The following RRM2 variants were observed in gnomAD, a reference collection of about 807,000 sequenced individuals.
RRM2 encodes the protein ribonucleoside-diphosphate reductase subunit M2.
Under a neutral mutation model 45.9 loss-of-function variants are expected in RRM2, and 6 were observed. The observed-to-expected ratio is 0.13, with a 90% CI of 0.07 to 0.26. The LOEUF (loss-of-function observed/expected upper bound fraction) is 0.26, where lower values mean the gene tolerates loss of function less well. Among genes scored for constraint, RRM2 ranks in the 10% least tolerant of loss-of-function variants. The pLI is 1.00. For synonymous variants in RRM2, 177 were observed against 173.0 expected (o/e 1.02, Z -0.18); for missense variants, 343 against 489.5 (o/e 0.70, Z 2.82).
chr2:10,150,888 A>G (rs1663297663), intron 3 of RRM2, among the ~76,000 whole-genome samples: 1 of 148,412 alleles, frequency 6.7e-6, no homozygotes, highest in Admixed American at 6.9e-5. Context: ...ATCTCGGCTC[A>G]CTGCAACCTC....
At chr2:10,168,233 G>A (rs1663722912) in intron 3 of RRM2, among the ~76,000 whole-genome samples, 1 of 151,864 alleles carries the variant, frequency 6.6e-6, no homozygotes, top group Non-Finnish European at 1.5e-5. Context: ...GCATCACAGT[G>A]GGTCCTATAC....
chr2:10,195,056 G>A lies in RRM2; in HGVS notation n.483-15255G>A, dbSNP rs1664385525. On this transcript the variant is annotated intron_variant and non_coding_transcript_variant, in intron 3 of 3. Transcript: ENST00000381786. This position sits in a 1 kb window ranked among gnomAD's most constrained non-coding sequence, Gnocchi z 4.9. ...ACCCTCACGAGGCCATGTGGTCGTG[G>A]CTACGGGTTTAATCTAAAATTCATT... 6.6e-6 allele frequency among the ~76,000 whole-genome samples: 1 copy of A among 151,678 alleles called. No individual in the cohort carries two copies. The highest frequency in any genetic ancestry group is 2.4e-5 in the African/African-American group (1 of 41,052).
chr2:10,210,560 G>A (rs780544546), exon 4 of RRM2: 1 of 1,366,540 alleles, frequency 7.3e-7, no homozygotes, highest in Non-Finnish European at 9.8e-7. Flanking sequence ...TGCGGAGCAG[G>A]TGGACCCACC....
intron 3 of RRM2, among the ~76,000 whole-genome samples, chr2:10,182,196 G>A (rs1002750082): frequency 1.5e-4 from 23 of 152,080 alleles, no homozygotes; most frequent in African/African-American, 4.8e-4. Flanking sequence ...AGACTGGCTG[G>A]GTGTGGTGGT....
At chr2:10,149,688 C>G (rs993296671) in intron 3 of RRM2, among the ~76,000 whole-genome samples, 2 of 152,138 alleles carry the variant, frequency 1.3e-5, no homozygotes, top group African/African-American at 2.4e-5. Flanking sequence ...GGAGAAGAAG[C>G]GAGGACTACA....
At chr2:10,157,593 A>G (rs556921267) in intron 3 of RRM2, among the ~76,000 whole-genome samples, 1 of 152,096 alleles carries the variant, frequency 6.6e-6, no homozygotes, top group African/African-American at 2.4e-5. Context: ...CAAGGATGGT[A>G]CACTTTTTGG....
At chr2:10,126,162 TAAAAA>T (rs532815964) in intron 5 of RRM2, among the ~76,000 whole-genome samples, 12,722 of 89,034 alleles carry the variant, frequency 0.14, 1,542 homozygotes, top group Non-Finnish European at 0.18. Context: ...CTCATCTCTT[TAAAAA>T]AAAAAAAAAA....
At chr2:10,141,608 T>C in exon 1 of RRM2, 2 of 531,794 alleles carry the variant, frequency 3.8e-6, no homozygotes, top group Non-Finnish European at 6.7e-6. Flanking sequence ...CAAGAATGCA[T>C]GTGCTTAAGG....
chr2:10,186,016 T>C (rs1433150644), intron 3 of RRM2, among the ~76,000 whole-genome samples: 1 of 152,254 alleles, frequency 6.6e-6, no homozygotes, highest in Non-Finnish European at 1.5e-5. Context: ...AGAGCTAGCC[T>C]AAATTCGGCA....
chr2:10,148,545 A>G (rs1354646863), intron 3 of RRM2, among the ~76,000 whole-genome samples: 1 of 152,230 alleles, frequency 6.6e-6, no homozygotes. Context: ...CTAGAGTTAA[A>G]TGCCACTGTG....
At chr2:10,183,810 C>A (rs1054644107) in intron 3 of RRM2, among the ~76,000 whole-genome samples, 2 of 144,558 alleles carry the variant, frequency 1.4e-5, no homozygotes, top group Admixed American at 1.4e-4. Context: ...AAAAAAAAGG[C>A]CAGGTGCGGT....
At chr2:10,167,736 G>T (rs926276307) in intron 3 of RRM2, among the ~76,000 whole-genome samples, 9 of 152,170 alleles carry the variant, frequency 5.9e-5, no homozygotes, top group Non-Finnish European at 1.3e-4. Flanking sequence ...TTCCCACCCA[G>T]AACTCTTCAT....
chr2:10,192,750 AC>A (rs56228505), intron 3 of RRM2: 83,446 of 151,700 alleles, frequency 0.55, 22,818 homozygotes, highest in East Asian at 0.58. Flanking sequence ...CTGCCACTCC[AC>A]CCCCCCCTGC....
chr2:10,199,803 A>C lies in RRM2; in HGVS notation n.483-10508A>C, dbSNP rs1386414369. On this transcript the variant is annotated intron_variant and non_coding_transcript_variant, in intron 3 of 3. Transcript: ENST00000381786. ...TCAAAAAAAAAAAAAAAAAAAAAAAAAAAAAACAAATCATGGTATGACTAG... is the reference window on the plus strand; with the variant it reads ...TCAAAAAAAAAAAAAAAAAAAAAAACAAAAAACAAATCATGGTATGACTAG... Among the ~76,000 whole-genome samples the C allele has an allele frequency of 1.1e-4, 16 of 150,414 alleles. 1 individual carries two copies. The highest frequency in any genetic ancestry group is 1.9e-4 in the Non-Finnish European group (13 of 67,692).
chr2:10,147,055 C>T (rs369690280), intron 3 of RRM2, among the ~76,000 whole-genome samples: 20 of 151,894 alleles, frequency 1.3e-4, no homozygotes, highest in Middle Eastern at 6.8e-3. Flanking sequence ...CGGGTTCAAG[C>T]GATTCTCCTG....
Position 10,144,112 on chromosome 2 carries a change from G to T in RRM2, n.482+1737G>T, listed in dbSNP as rs1663142070. 2.0e-5 allele frequency among the ~76,000 whole-genome samples: 3 copies of T among 152,226 alleles called. 1 individual carries two copies. The highest frequency in any genetic ancestry group is 7.2e-5 in the African/African-American group (3 of 41,462). On this transcript the variant is annotated intron_variant and non_coding_transcript_variant, in intron 3 of 3. Coordinates refer to the RRM2 transcript ENST00000381786. ...TGGGGACTCTCCTGTAACCCAAGGG[G>T]GTAGCGGAAGGATGGAGCTTCAGGC...
In RRM2 at chr2:10,190,389, G is replaced by C. The variant is rs531451938; in HGVS notation, n.483-19922G>C. On this transcript the variant is annotated intron_variant and non_coding_transcript_variant, in intron 3 of 3. Coordinates refer to the RRM2 transcript ENST00000381786. ...ATGAGTGTGATGATGTGGTGATGGT[G>C]ATGGTGGTGGTGATGGTGGTGATGG... is the stretch of plus-strand genomic sequence containing the variant. Among the ~76,000 whole-genome samples the C allele has an allele frequency of 2.0e-5, 3 of 149,414 alleles. No individual in the cohort carries two copies. The South Asian group carries it at 6.6e-4, about 33-fold the overall frequency.
chr2:10,122,903 C>G lies in RRM2; in HGVS notation c.99+6C>G. 1 of 1,576,090 alleles carries G rather than the reference C, an allele frequency of 6.3e-7. No individual in the cohort carries two copies. The highest frequency in any genetic ancestry group is 1.2e-5 in the South Asian group (1 of 86,862). On this transcript the variant is annotated splice_donor_region_variant and intron_variant, in intron 1 of 9. Transcript: ENST00000304567. ...TGGTCGACAAGGAGAACACGGTGAG[C>G]CCGCGGGGAGGGCGCTGCGGGCAGG...
At position 10,185,013 on chromosome 2, in the gene RRM2, G is replaced by A. The variant is rs1354478212; in HGVS notation, n.483-25298G>A. Reference sequence around the variant, plus strand: ...CTAACCCAAAGCCAATCTGACAAATGAACAAGTCATTCTATTTACTGGTTT... The same window carrying A: ...CTAACCCAAAGCCAATCTGACAAATAAACAAGTCATTCTATTTACTGGTTT... On this transcript the variant is annotated intron_variant and non_coding_transcript_variant, in intron 3 of 3. Transcript: ENST00000381786. The surrounding 1 kb of genome is among the most constrained non-coding windows in gnomAD (Gnocchi z 4.3). Among the ~76,000 whole-genome samples the A allele has an allele frequency of 6.6e-6, 1 of 152,208 alleles. No homozygotes were observed. Among genetic ancestry groups the A allele is most frequent in the East Asian group, 1.9e-4 (1 of 5,200 alleles).
Sources: allele counts gnomAD v4.1 joint callset (sites outside exome capture counted in the v4.1 genomes callset), GRCh38; gene constraint gnomAD v4.1.1; non-coding constraint Gnocchi (gnomAD v3.1); transcripts MANE v1.5; gene names NCBI Gene and HGNC (gene_info 2026-07-23, HGNC 2026-07-21).